Variants in NR3C2 observed in about 807,000 individuals in gnomAD.
NR3C2 encodes mineralocorticoid receptor.
A neutral mutation model predicts 86.4 loss-of-function variants in NR3C2; 15 were observed. The observed-to-expected ratio is 0.17, with a 90% CI of 0.12 to 0.27. The LOEUF (loss-of-function observed/expected upper bound fraction) is 0.27. Ranked by LOEUF, NR3C2 falls within the 10% of genes least tolerant of loss-of-function variation. The pLI is 1.00. For synonymous variants in NR3C2, 458 were observed against 450.5 expected, an observed-to-expected ratio of 1.02 and a Z score of -0.21; for missense variants, 960 against 1,195.6, an observed-to-expected ratio of 0.80 and a Z score of 2.91.
intron 3 of NR3C2, among the ~76,000 whole-genome samples, chr4:148,201,452 T>C (rs1736716173): frequency 6.6e-6 from 1 of 152,230 alleles, no homozygotes; most frequent in Non-Finnish European, 1.5e-5. Context: ...ATTGTTCCTA[T>C]TATGGATGTG....
At chr4:148,338,051 C>A (rs549023645) in intron 2 of NR3C2, among the ~76,000 whole-genome samples, 1 of 152,148 alleles carries the variant, frequency 6.6e-6, no homozygotes, top group East Asian at 1.9e-4. Flanking sequence ...TTAAATAAAA[C>A]GGGTCTCATT....
Position 148,436,362 on chromosome 4 carries a change from C to G in NR3C2, c.499G>C (p.Asp167His). The G allele has an allele frequency of 6.2e-7, 1 of 1,614,200 alleles. No homozygotes were observed. Residue 167 changes from aspartate to histidine, a missense_variant, in exon 2 of 9, where the codon GAC (aspartate) becomes CAC (histidine). Asp to His is a moderately conservative substitution (Grantham distance 81). Transcript: ENST00000358102. ...VNTPLRSFMS[D>H]SGSSVNGGVM... is the part of the protein sequence containing the mutation. ...CCACCATTCACGGAGCTCCCAGAGTCAGACATAAATGATCTCAAGGGCGTG... is the reference window on the plus strand; with the variant it reads ...CCACCATTCACGGAGCTCCCAGAGTGAGACATAAATGATCTCAAGGGCGTG...
intron 2 of NR3C2, among the ~76,000 whole-genome samples, chr4:148,386,130 C>T (rs1747252092): frequency 6.6e-6 from 1 of 152,134 alleles, no homozygotes; most frequent in South Asian, 2.1e-4. Context: ...CTCCTCCCAG[C>T]CCCCAGGAGA....
At chr4:148,230,141 A>T (rs1012740151) in intron 3 of NR3C2, among the ~76,000 whole-genome samples, 2 of 152,172 alleles carry the variant, frequency 1.3e-5, no homozygotes, top group Non-Finnish European at 2.9e-5. Flanking sequence ...CTTTGGAGTA[A>T]AACAGGCACT....
chr4:148,299,667 A>G (rs900101898), intron 2 of NR3C2, among the ~76,000 whole-genome samples: 11 of 152,362 alleles, frequency 7.2e-5, no homozygotes, highest in African/African-American at 2.2e-4. Flanking sequence ...AACGGCAATT[A>G]GAAGTTCATC....
At chr4:148,222,668 A>G (rs546410480) in intron 3 of NR3C2, among the ~76,000 whole-genome samples, 9 of 152,236 alleles carry the variant, frequency 5.9e-5, no homozygotes, top group Non-Finnish European at 1.0e-4. Context: ...TGCGGGTTAT[A>G]TATTCTGTTG....
chr4:148,248,895 A>C (rs984633891), intron 3 of NR3C2, among the ~76,000 whole-genome samples: 2 of 152,220 alleles, frequency 1.3e-5, no homozygotes, highest in African/African-American at 4.8e-5. Context: ...CTGTTTCTAA[A>C]GCAGTTTAAA....
intron 3 of NR3C2, among the ~76,000 whole-genome samples, chr4:148,250,296 A>G (rs974810462): frequency 6.6e-6 from 1 of 152,158 alleles, no homozygotes; most frequent in East Asian, 1.9e-4. Context: ...GCCTTGAAAG[A>G]CTGACATCTT....
chr4:148,182,429 T>C (rs953981015), intron 4 of NR3C2, among the ~76,000 whole-genome samples: 12 of 152,238 alleles, frequency 7.9e-5, no homozygotes, highest in African/African-American at 2.9e-4. Context: ...GGTTAAATTA[T>C]AACTTAAACC....
intron 4 of NR3C2, among the ~76,000 whole-genome samples, chr4:148,155,210 TCAA>T (rs1734308024): frequency 6.6e-6 from 1 of 152,194 alleles, no homozygotes; most frequent in Non-Finnish European, 1.5e-5. Flanking sequence ...TACCCGGTCC[TCAA>T]CAAGTGTTCA....
intron 6 of NR3C2, among the ~76,000 whole-genome samples, chr4:148,125,370 G>A (rs1732694221): frequency 6.6e-6 from 1 of 152,164 alleles, no homozygotes; most frequent in Non-Finnish European, 1.5e-5. Context: ...TTTATGCAGG[G>A]AGCTCTATTT....
intron 2 of NR3C2, among the ~76,000 whole-genome samples, chr4:148,291,640 G>T (rs966001413): frequency 6.6e-6 from 1 of 152,024 alleles, no homozygotes; most frequent in Non-Finnish European, 1.5e-5. Context: ...TATAATTGAT[G>T]TCTGATTACT....
chr4:148,324,141 G>T (rs10434128), intron 2 of NR3C2, among the ~76,000 whole-genome samples: 1 of 151,978 alleles, frequency 6.6e-6, no homozygotes, highest in Non-Finnish European at 1.5e-5. Context: ...GCATCAACCT[G>T]AGAAAGACTA....
At chr4:148,128,924 G>T (rs1038923747) in intron 6 of NR3C2, among the ~76,000 whole-genome samples, 3 of 152,168 alleles carry the variant, frequency 2.0e-5, no homozygotes, top group Non-Finnish European at 4.4e-5. Context: ...TTCTGAAGAT[G>T]ACTTCCATTT....
intron 8 of NR3C2, among the ~76,000 whole-genome samples, chr4:148,089,936 C>T (rs1248437355): frequency 1.3e-5 from 2 of 152,234 alleles, no homozygotes; most frequent in African/African-American, 2.4e-5. Flanking sequence ...CCTTTTCTTA[C>T]AGTTTTAACC....
At chr4:148,203,355 A>G (rs1434561228) in intron 3 of NR3C2, among the ~76,000 whole-genome samples, 1 of 152,136 alleles carries the variant, frequency 6.6e-6, no homozygotes, top group Non-Finnish European at 1.5e-5. Flanking sequence ...AGTATCAAAA[A>G]GGCAATTTCT....
chr4:148,253,458 G>A (rs148231226), intron 3 of NR3C2, among the ~76,000 whole-genome samples: 11 of 152,298 alleles, frequency 7.2e-5, no homozygotes, highest in African/African-American at 2.2e-4. Context: ...ATTCACACAC[G>A]TGTGCCACGC....
At chr4:148,303,118 C>A (rs1195451997) in intron 2 of NR3C2, among the ~76,000 whole-genome samples, 1 of 152,172 alleles carries the variant, frequency 6.6e-6, no homozygotes, top group Non-Finnish European at 1.5e-5. Context: ...ATTTTGCAAA[C>A]AACTCAGTGC....
rs1745114536 is a variant in NR3C2 at position 148,348,550 on chromosome 4, C to T, written c.1757+86554G>A. 2.0e-5 allele frequency among the ~76,000 whole-genome samples: 3 copies of T among 152,266 alleles called. No individual in the cohort carries two copies. In the South Asian group the frequency reaches 6.2e-4, roughly 32 times the overall value. ...ATCCAAAGAGAAATCTTATTCTTCT[C>T]TGCCTTTTTGTATAGCATGAGATAA... is the stretch of plus-strand genomic sequence containing the variant. On this transcript the variant is annotated intron_variant, in intron 2 of 8. Transcript: ENST00000358102.
Sources: gnomAD v4.1 joint callset for allele counts (sites outside exome capture counted in the v4.1 genomes callset) on GRCh38, gnomAD v4.1.1 for gene constraint, MANE v1.5 for transcripts, NCBI Gene and HGNC (gene_info 2026-07-23, HGNC 2026-07-21) for gene names.